Variants in CDC25B observed in about 807,000 individuals in gnomAD.
CDC25B encodes the protein cell division cycle 25B.
CDC25B carries 33 observed loss-of-function variants against 69.8 expected under a neutral mutation model. That is an observed-to-expected ratio of 0.47 (90% CI 0.36 to 0.63). CDC25B has a LOEUF of 0.63. Ranked by LOEUF, CDC25B falls within the 30% of genes least tolerant of loss-of-function variation. CDC25B has a pLI of 0.00. For synonymous variants in CDC25B, 341 were observed against 314.6 expected, an observed-to-expected ratio of 1.08 and a Z score of -0.89; for missense variants, 727 against 809.1, an observed-to-expected ratio of 0.90 and a Z score of 1.23.
exon 1 of CDC25B, chr20:3,787,101 T>C (rs1473262574): frequency 4.6e-6 from 3 of 645,612 alleles, no homozygotes; most frequent in Non-Finnish European, 8.2e-6. Flanking sequence ...ATTCAAGAAG[T>C]TGAAAAACGC....
At chr20:3,799,519 T>C (rs1198844812) in intron 3 of CDC25B, among the ~76,000 whole-genome samples, 576 of 49,862 alleles carry the variant, frequency 0.012, 7 homozygotes, top group Middle Eastern at 0.067. Flanking sequence ...TGTGTGTGTG[T>C]GTGTGTGCGC....
At position 3,801,997 on chromosome 20, in the gene CDC25B, T is replaced by C; in HGVS notation, c.995T>C (p.Ile332Thr). 6.2e-7 allele frequency: 1 copy of C among 1,607,470 alleles called. No homozygotes were observed. The highest frequency in any genetic ancestry group is 8.5e-7 in the Non-Finnish European group (1 of 1,177,198). Reference sequence around the variant, plus strand: ...ATGCCCTGCAGCGTGATCCGGCCCATCCTCAAGAGGCTGGAGCGGCCCCAG... The same window carrying C: ...ATGCCCTGCAGCGTGATCCGGCCCACCCTCAAGAGGCTGGAGCGGCCCCAG... The part of the protein sequence containing the change: ...PSMPCSVIRP[I>T]LKRLERPQDR... Residue 332 changes from isoleucine (I) to threonine (T), a missense_variant, in exon 10 of 16, where the codon ATC becomes ACC. Ile to Thr is a moderately conservative substitution (Grantham distance 89). Around this residue, in one of 2 missense-constraint regions of CDC25B, gnomAD observed 359 missense variants for 463.4 expected, o/e 0.77. Coordinates refer to ENST00000245960, the MANE Select transcript of CDC25B (RefSeq NM_021873.4).
chr20:3,790,762 G>A (rs2088902045), intron 1 of CDC25B, among the ~76,000 whole-genome samples: 1 of 151,456 alleles, frequency 6.6e-6, no homozygotes, highest in African/African-American at 2.4e-5. Context: ...TAGAGACAGG[G>A]TTTCACCATA....
At chr20:3,792,405 ACT>A (rs1286254561), upstream of CDC25B, among the ~76,000 whole-genome samples, 1 of 151,454 alleles carries the variant, frequency 6.6e-6, no homozygotes, top group African/African-American at 2.4e-5. Flanking sequence ...CTCACTGCAG[ACT>A]CAAACTCCTG....
intron 15 of CDC25B, 45 bp from the exon 16 acceptor site, chr20:3,804,776 A>C (rs1232808602): frequency 6.2e-7 from 1 of 1,610,252 alleles, no homozygotes; most frequent in Admixed American, 1.7e-5. Flanking sequence ...GGTCCCTGCC[A>C]AACTTACCCA....
At chr20:3,793,356 C>A (rs1051457950), upstream of CDC25B, among the ~76,000 whole-genome samples, 2 of 151,588 alleles carry the variant, frequency 1.3e-5, no homozygotes, top group Admixed American at 6.6e-5. Context: ...ACTCGAGAGG[C>A]TGAGGCAGGA....
chr20:3,789,123 T>G (rs2088872501), intron 1 of CDC25B, among the ~76,000 whole-genome samples: 2 of 152,232 alleles, frequency 1.3e-5, no homozygotes, highest in African/African-American at 4.8e-5. Flanking sequence ...CCTCTTTCTG[T>G]AAGTCCCAGC....
At chr20:3,801,523 C>T (rs2089283424) in intron 8 of CDC25B, 135 bp downstream of exon 8, 4 of 1,221,712 alleles carry the variant, frequency 3.3e-6, no homozygotes, top group South Asian at 3.0e-5. Context: ...AACTGAGTCA[C>T]AGCCTAACCT....
At chr20:3,797,476 G>T (rs570218287) in intron 1 of CDC25B, 146 bp from the exon 2 acceptor site, 1 of 1,050,024 alleles carries the variant, frequency 9.5e-7, no homozygotes, top group Admixed American at 2.3e-5. Flanking sequence ...CTTGACCTGA[G>T]AAGAGGGGGC....
intron 7 of CDC25B, 34 bp from the exon 8 acceptor site, chr20:3,801,220 C>T (rs780681680): frequency 9.3e-6 from 15 of 1,610,002 alleles, no homozygotes; most frequent in Non-Finnish European, 1.3e-5. Context: ...ACTATCTCCA[C>T]CTCTAAGTCT....
At chr20:3,794,928 C>A (rs1441086370), upstream of CDC25B, among the ~76,000 whole-genome samples, 2 of 152,208 alleles carry the variant, frequency 1.3e-5, no homozygotes, top group Non-Finnish European at 2.9e-5. Context: ...CGCACCACCA[C>A]CCGCCCAGCC....
At chr20:3,797,352 A>G (rs1286001809) in intron 1 of CDC25B, among the ~76,000 whole-genome samples, 2 of 152,188 alleles carry the variant, frequency 1.3e-5, no homozygotes, top group Non-Finnish European at 2.9e-5. Context: ...GCTGGCCTCC[A>G]GCCAGGCAGC....
chr20:3,787,115 T>C lies in CDC25B; in HGVS notation c.-17T>C, dbSNP rs549049797. 3 of 652,988 alleles carry C rather than the reference T, an allele frequency of 4.6e-6. No homozygotes were observed. In the East Asian group the frequency reaches 8.5e-5, roughly 19 times the overall value. 40.4% of individuals were successfully genotyped at this position (652,988 alleles called of 1,614,324 possible). The stretch of plus-strand genomic sequence containing the variant: ...AATTCAAGAAGTTGAAAAACGCTTT[T>C]CACGTCACCTGGAGAGATGCACAGG... On this transcript the variant is annotated 5_prime_UTR_variant, in exon 1 of 16. Coordinates refer to the CDC25B transcript ENST00000344256.
intron 14 of CDC25B, among the ~76,000 whole-genome samples, chr20:3,804,083 A>G (rs909792872): frequency 1.3e-5 from 2 of 152,150 alleles, no homozygotes; most frequent in Admixed American, 1.3e-4. Flanking sequence ...CGCCCCTTAC[A>G]GAGTCGCATC....
upstream of CDC25B, among the ~76,000 whole-genome samples, chr20:3,794,277 T>G (rs906408005): frequency 1.3e-5 from 2 of 151,264 alleles, no homozygotes; most frequent in Non-Finnish European, 3.0e-5. Context: ...CCTGACTTTT[T>G]AATGATTGCC....
At chr20:3,797,549 G>GGAAC in intron 1 of CDC25B, 73 bp from the exon 2 acceptor site, 2 of 1,565,358 alleles carry the variant, frequency 1.3e-6, no homozygotes, top group Non-Finnish European at 1.7e-6. Context: ...CAAGGGAGTG[G>GGAAC]GAACGTGGGC....
intron 11 of CDC25B, 54 bp from the exon 12 acceptor site, chr20:3,802,855 TG>T: frequency 7.1e-7 from 1 of 1,409,508 alleles, no homozygotes; most frequent in Non-Finnish European, 1.0e-6. Flanking sequence ...TTGAGGCTCC[TG>T]GTCTTACCAA....
chr20:3,796,173 G>A (rs903491783), upstream of CDC25B: 10 of 1,149,250 alleles, frequency 8.7e-6, no homozygotes, highest in Non-Finnish European at 9.6e-6. Context: ...TGGAAATCCA[G>A]CCTCCGCGCC....
In CDC25B at chr20:3,803,244, A is replaced by G. The variant is rs545574138; in HGVS notation, c.1356+38A>G. The G allele has an allele frequency of 1.9e-6, 3 of 1,583,836 alleles. No homozygotes were observed. In the Admixed American group the frequency reaches 5.0e-5, roughly 27 times the overall value. On this transcript the variant is annotated intron_variant, in intron 13 of 15. Transcript: ENST00000245960. The surrounding 1 kb of genome is among the most constrained non-coding windows in gnomAD (Gnocchi z 4.9). ...AATGGGGAGAGGCCCTGAAGATCCCACCTGGTTTAGGTCCTTGCTTTGCCA... is the reference window on the plus strand; with the variant it reads ...AATGGGGAGAGGCCCTGAAGATCCCGCCTGGTTTAGGTCCTTGCTTTGCCA...
Sources: allele counts gnomAD v4.1 joint callset (sites outside exome capture counted in the v4.1 genomes callset), GRCh38; gene constraint gnomAD v4.1.1; regional missense constraint gnomAD v4.1.1; non-coding constraint Gnocchi (gnomAD v3.1); transcripts MANE v1.5; gene names NCBI Gene and HGNC (gene_info 2026-07-23, HGNC 2026-07-21).